Variants in MRPS6 observed in about 807,000 individuals in gnomAD.
MRPS6 encodes the protein mitochondrial ribosomal protein S6.
In MRPS6, 6 loss-of-function variants were observed where a neutral mutation model predicts 13.1. That is an observed-to-expected ratio of 0.46 (90% CI 0.25 to 0.91). MRPS6 has a LOEUF of 0.91. Among genes scored for constraint, MRPS6 ranks in the 40% least tolerant of loss-of-function variants. The probability of loss-of-function intolerance (pLI) is 0.18; values close to 1 mark genes in which losing one functional copy is unlikely to be tolerated. For missense variants in MRPS6, 164 were observed against 155.6 expected, an observed-to-expected ratio of 1.05 and a Z score of -0.29; for synonymous variants, 61 against 56.5, an observed-to-expected ratio of 1.08 and a Z score of -0.36.
chr21:34,083,382 A>G (rs1002101983), intron 1 of MRPS6, among the ~76,000 whole-genome samples: 2 of 152,230 alleles, frequency 1.3e-5, no homozygotes, highest in Admixed American at 6.5e-5. Flanking sequence ...CCGTGTATGA[A>G]TTCCGAATAT....
chr21:34,096,061 C>T lies in MRPS6; in HGVS notation c.45+22316C>T. Reference sequence around the variant, plus strand: ...CAAGTCATCGTGCAGAGGGTCCTTGCAGCCAAAAACATTGCTCATGCCAAA... The same window carrying T: ...CAAGTCATCGTGCAGAGGGTCCTTGTAGCCAAAAACATTGCTCATGCCAAA... On this transcript the variant is annotated intron_variant, in intron 1 of 2. Transcript: ENST00000399312. This position sits in a 1 kb window ranked among gnomAD's most constrained non-coding sequence, Gnocchi z 5.9. 4 of 1,614,136 alleles carry T rather than the reference C, an allele frequency of 2.5e-6. No homozygotes were observed. The highest frequency in any genetic ancestry group is 3.4e-6 in the Non-Finnish European group (4 of 1,179,994).
intron 1 of MRPS6, among the ~76,000 whole-genome samples, chr21:34,082,335 A>G (rs1344805788): frequency 6.6e-6 from 1 of 152,200 alleles, no homozygotes; most frequent in East Asian, 1.9e-4. Flanking sequence ...CATTTAGGCT[A>G]AAATATACAT....
At chr21:34,104,626 T>G (rs1979397273) in intron 1 of MRPS6, 2 of 1,000,130 alleles carry the variant, frequency 2.0e-6, no homozygotes, top group African/African-American at 3.5e-5. Context: ...GAGAGATTAT[T>G]CTTGCCAGCA....
rs1287124491 is a variant in MRPS6, at chr21:34,073,666, C to T, written c.-35C>T. The T allele has an allele frequency of 7.9e-6, 12 of 1,511,898 alleles. No homozygotes were observed. Among genetic ancestry groups the T allele is most frequent in the Admixed American group, 1.9e-5 (1 of 53,684 alleles). 93.7% of individuals were successfully genotyped at this position (1,511,898 alleles called of 1,614,324 possible). The stretch of plus-strand genomic sequence containing the variant: ...CGCCCCTTCGCGTCCCGGGAACCGG[C>T]TGGCTTCCGAGCCGCACTCGCCGAT... On this transcript the variant is annotated 5_prime_UTR_variant, in exon 1 of 3. Coordinates refer to ENST00000399312, the MANE Select transcript of MRPS6 (RefSeq NM_032476.4).
chr21:34,112,824 C>A (rs576207429), intron 1 of MRPS6, among the ~76,000 whole-genome samples: 1 of 152,026 alleles, frequency 6.6e-6, no homozygotes, highest in South Asian at 2.1e-4. Context: ...CTTTCTTTGC[C>A]TGTCTTATTT....
At chr21:34,079,643 G>A (rs931768171) in intron 1 of MRPS6, among the ~76,000 whole-genome samples, 1 of 137,246 alleles carries the variant, frequency 7.3e-6, no homozygotes, top group African/African-American at 3.0e-5. Flanking sequence ...TAGTAGAGAT[G>A]GGGTTTCACC....
At chr21:34,136,427 C>T (rs1162565298) in intron 2 of MRPS6, among the ~76,000 whole-genome samples, 4 of 152,186 alleles carry the variant, frequency 2.6e-5, no homozygotes, top group African/African-American at 9.7e-5. Context: ...GGATTACAGG[C>T]GTGAGCCACC....
intron 2 of MRPS6, chr21:34,136,087 C>T (rs774899671): frequency 1.3e-5 from 3 of 225,414 alleles, no homozygotes; most frequent in South Asian, 1.5e-4. Flanking sequence ...GGGCACAGCC[C>T]GAGTGTCTCT....
chr21:34,113,728 TC>T (rs1337481694), intron 1 of MRPS6, among the ~76,000 whole-genome samples: 5 of 152,228 alleles, frequency 3.3e-5, no homozygotes, highest in Non-Finnish European at 5.9e-5. Context: ...TGTTTGTCAT[TC>T]TAGGAATGTA....
At chr21:34,112,733 C>G (rs1979753841) in intron 1 of MRPS6, among the ~76,000 whole-genome samples, 1 of 152,176 alleles carries the variant, frequency 6.6e-6, no homozygotes, top group African/African-American at 2.4e-5. Flanking sequence ...CCATAACCAC[C>G]TAAGCCTCTG....
At chr21:34,128,704 G>A (rs556922023) in intron 2 of MRPS6, among the ~76,000 whole-genome samples, 1 of 152,300 alleles carries the variant, frequency 6.6e-6, no homozygotes, top group South Asian at 2.1e-4. Context: ...TCCCAGACTA[G>A]TCCACAGAGA....
Position 34,089,978 on chromosome 21 carries a change from A to G in MRPS6, c.45+16233A>G, listed in dbSNP as rs114417639. Among the ~76,000 whole-genome samples the G allele has an allele frequency of 5.3e-3, 809 of 152,290 alleles. 8 individuals carry two copies. The highest frequency in any genetic ancestry group is 0.017 in the African/African-American group (704 of 41,544). On this transcript the variant is annotated intron_variant, in intron 1 of 2. Transcript: ENST00000399312. ...CCAGAAGTGTTTTGGATTGTGGGAT[A>G]TTGCATATTACTTGGTGGCTGAGCA...
chr21:34,113,868 C>T (rs1439524276), intron 1 of MRPS6, among the ~76,000 whole-genome samples: 1 of 152,112 alleles, frequency 6.6e-6, no homozygotes, highest in African/African-American at 2.4e-5. Context: ...GTTGACTGTT[C>T]CCTCCCCTGG....
At chr21:34,108,472 A>G (rs1979570374) in intron 1 of MRPS6, among the ~76,000 whole-genome samples, 1 of 152,204 alleles carries the variant, frequency 6.6e-6, no homozygotes, top group African/African-American at 2.4e-5. Flanking sequence ...ATGATTGTAC[A>G]AAGCAAAACT....
intron 1 of MRPS6, chr21:34,097,626 C>T (rs1485538591): frequency 8.5e-7 from 1 of 1,175,682 alleles, no homozygotes; most frequent in African/African-American, 1.6e-5. Flanking sequence ...ACCAATTATT[C>T]TCACAGAGCA....
chr21:34,135,457 G>A lies in MRPS6; in HGVS notation c.186-6951G>A, dbSNP rs1011906819. The stretch of plus-strand genomic sequence containing the variant: ...TCAGCGGTTGGACTTGGCCACACAT[G>A]CCAGCTCATCCTTCTTCTTGATGGC... On this transcript the variant is annotated intron_variant, in intron 2 of 2. Coordinates refer to ENST00000399312, the MANE Select transcript of MRPS6 (RefSeq NM_032476.4). 5.2e-5 allele frequency: 25 copies of A among 481,590 alleles called. 1 individual carries two copies. The highest frequency in any genetic ancestry group is 3.7e-4 in the South Asian group (23 of 62,828). The allele number at this position is 481,590 out of a possible 1,614,324, so 29.8% of individuals were successfully genotyped here.
intron 2 of MRPS6, among the ~76,000 whole-genome samples, chr21:34,132,525 G>A (rs1980540316): frequency 6.6e-6 from 1 of 152,238 alleles, no homozygotes; most frequent in Admixed American, 6.5e-5. Context: ...GGTAGCAACA[G>A]GGAGCCTCCC....
chr21:34,103,649 T>G (rs1979348549), intron 1 of MRPS6: 2 of 1,000,154 alleles, frequency 2.0e-6, no homozygotes, highest in African/African-American at 1.7e-5. Flanking sequence ...ATCCCACAAG[T>G]GCCAGTCATA....
intron 1 of MRPS6, chr21:34,097,202 C>T: frequency 6.2e-7 from 1 of 1,614,066 alleles, no homozygotes; most frequent in Non-Finnish European, 8.5e-7. Context: ...AAAGTAAGAG[C>T]CTCAGCAAGA....
Sources: gnomAD v4.1 joint callset for allele counts (sites outside exome capture counted in the v4.1 genomes callset) on GRCh38, gnomAD v4.1.1 for gene constraint, Gnocchi (gnomAD v3.1) non-coding constraint, MANE v1.5 for transcripts, NCBI Gene and HGNC (gene_info 2026-07-23, HGNC 2026-07-21) for gene names.